The following MYH10 variants were observed in gnomAD, a reference collection of about 807,000 sequenced individuals.
The protein encoded by MYH10 is myosin heavy chain 10.
Under a neutral mutation model 257.8 loss-of-function variants are expected in MYH10, and 55 were observed. That is an observed-to-expected ratio of 0.21 (90% confidence interval 0.17 to 0.27). MYH10 has a LOEUF of 0.27. MYH10 is among the 10% of genes least tolerant of loss of function. The probability of loss-of-function intolerance (pLI) is 1.00; values close to 1 mark genes in which losing one functional copy is unlikely to be tolerated. For synonymous variants in MYH10, 854 were observed against 921.7 expected (o/e 0.93, Z 1.33); for missense variants, 1,631 against 2,500.6 (o/e 0.65, Z 7.42).
chr17:8,481,439 G>C (rs777659778), intron 37 of MYH10, 29 bp from the exon 38 acceptor site: 2 of 1,603,788 alleles, frequency 1.2e-6, no homozygotes, highest in Non-Finnish European at 1.7e-6. Context: ...GTTAAGCTCT[G>C]GCTGTGAATA....
At chr17:8,595,682 T>G (rs1425591441) in intron 3 of MYH10, among the ~76,000 whole-genome samples, 2 of 152,178 alleles carry the variant, frequency 1.3e-5, no homozygotes, top group East Asian at 3.9e-4. Flanking sequence ...CCGCCTGCCT[T>G]GGCCTCCCAA....
At chr17:8,601,395 G>GTCAT (rs2084586324) in intron 3 of MYH10, among the ~76,000 whole-genome samples, 1 of 152,214 alleles carries the variant, frequency 6.6e-6, no homozygotes, top group South Asian at 2.1e-4. Context: ...CCCTTTCCAT[G>GTCAT]TCATGTTGCC....
chr17:8,590,832 A>G (rs1383871376), intron 3 of MYH10, among the ~76,000 whole-genome samples: 2 of 146,916 alleles, frequency 1.4e-5, no homozygotes, highest in Non-Finnish European at 3.0e-5. Context: ...TCCTCTAGGA[A>G]TACCTTCCCA....
chr17:8,624,462 G>A (rs574130740), intron 1 of MYH10, among the ~76,000 whole-genome samples: 3 of 152,106 alleles, frequency 2.0e-5, no homozygotes, highest in Non-Finnish European at 4.4e-5. Flanking sequence ...CAAACCAACA[G>A]AAGAAGCCAA....
intron 2 of MYH10, among the ~76,000 whole-genome samples, chr17:8,615,406 T>C (rs1332469548): frequency 6.6e-6 from 1 of 152,212 alleles, no homozygotes; most frequent in Non-Finnish European, 1.5e-5. Context: ...AGCCAAACTC[T>C]TCCAGAGAAC....
At position 8,506,892 on chromosome 17, in the gene MYH10, C is replaced by G. The variant is rs1224467167; in HGVS notation, c.3215-403G>C. On this transcript the variant is annotated intron_variant, in intron 26 of 42. Transcript: ENST00000360416. The surrounding 1 kb of genome is among the most constrained non-coding windows in gnomAD (Gnocchi z 5.0). ...CCCCATTCCCTTTTCCATGGGAACC[C>G]CTGTTCTGAACCAAGAAAACTGCCA... Among the ~76,000 whole-genome samples, 1 of 152,188 alleles carries G rather than the reference C, an allele frequency of 6.6e-6. No homozygotes were observed. Among genetic ancestry groups the G allele is most frequent in the African/African-American group, 2.4e-5 (1 of 41,450 alleles).
At chr17:8,480,360 T>TG in intron 39 of MYH10, 42 bp from the exon 40 acceptor site, 1 of 1,612,878 alleles carries the variant, frequency 6.2e-7, no homozygotes, top group Non-Finnish European at 8.5e-7. Context: ...GCCTGAGGGG[T>TG]GGCACAGCCC....
chr17:8,484,910 T>C (rs987480998), intron 36 of MYH10, among the ~76,000 whole-genome samples: 2 of 152,246 alleles, frequency 1.3e-5, no homozygotes, highest in Non-Finnish European at 2.9e-5. Flanking sequence ...CAAGGATGTC[T>C]GATCTTGCCA....
chr17:8,523,980 A>T (rs1490045091), intron 17 of MYH10, among the ~76,000 whole-genome samples: 1 of 152,134 alleles, frequency 6.6e-6, no homozygotes, highest in Non-Finnish European at 1.5e-5. Flanking sequence ...TTCGAAGTGG[A>T]AGAGAAATGT....
rs916453318 is a variant in MYH10 at position 8,490,346 on chromosome 17, G to C, written c.4878C>G (p.Ile1626Met). ...EQNEEKKRLL[I>M]KQVRELEAEL... ...GCCGCACCCTCTGCCCTACCTGTTTGATCAGCAGCCGCTTCTTCTCTTCAT... is the reference window on the plus strand; with the variant it reads ...GCCGCACCCTCTGCCCTACCTGTTTCATCAGCAGCCGCTTCTTCTCTTCAT... The change falls in exon 35 of 43, where the codon ATC becomes ATG. Residue 1626 changes from isoleucine (I) to methionine (M), a missense_variant. Coordinates refer to ENST00000360416, the MANE Select transcript of MYH10 (RefSeq NM_001256012.3). The surrounding 1 kb of genome is among the most constrained non-coding windows in gnomAD (Gnocchi z 4.1). 6.2e-7 allele frequency: 1 copy of C among 1,613,462 alleles called. No homozygotes were observed. Among genetic ancestry groups the C allele is most frequent in the Admixed American group, 1.7e-5 (1 of 60,028 alleles).
intron 4 of MYH10, among the ~76,000 whole-genome samples, chr17:8,577,617 T>C (rs1056895244): frequency 6.6e-6 from 1 of 152,204 alleles, no homozygotes; most frequent in African/African-American, 2.4e-5. Context: ...CTGCAACGTC[T>C]GTCTCCCGGC....
At chr17:8,616,668 A>C (rs894475141) in intron 2 of MYH10, among the ~76,000 whole-genome samples, 8 of 152,140 alleles carry the variant, frequency 5.3e-5, no homozygotes, top group Non-Finnish European at 1.2e-4. Flanking sequence ...GGAATTAAAG[A>C]TAAAATATTA....
intron 24 of MYH10, chr17:8,511,043 TATATATATATATATATACAC>T (rs1327736113): frequency 1.3e-3 from 11 of 8,198 alleles, no homozygotes; most frequent in African/African-American, 1.9e-3. Flanking sequence ...TATATATATA[TATATATATATATATATACAC>T]ACATACATAC....
rs531362031 is a variant in MYH10 at position 8,540,239 on chromosome 17, C to T, written c.1605+1868G>A. Among the ~76,000 whole-genome samples, 6 of 152,304 alleles carry T rather than the reference C, an allele frequency of 3.9e-5. No homozygotes were observed. In the South Asian group the frequency reaches 1.2e-3, roughly 32 times the overall value. On this transcript the variant is annotated intron_variant, in intron 14 of 42. Transcript: ENST00000360416. ...CTCCTGACCTGACTCAAGTGATCTGCCTGCCTCAGCCTCCCAAAGTACTGG... is the reference window on the plus strand; with the variant it reads ...CTCCTGACCTGACTCAAGTGATCTGTCTGCCTCAGCCTCCCAAAGTACTGG...
At chr17:8,512,814 C>T (rs1688920760) in intron 23 of MYH10, among the ~76,000 whole-genome samples, 157 bp from the exon 24 acceptor site, 1 of 151,952 alleles carries the variant, frequency 6.6e-6, no homozygotes, top group Non-Finnish European at 1.5e-5. Flanking sequence ...TTGTCTATAG[C>T]AAAATAAGCA....
chr17:8,548,151 T>C (rs570229395), intron 11 of MYH10, among the ~76,000 whole-genome samples, 162 bp downstream of exon 11: 2 of 152,308 alleles, frequency 1.3e-5, no homozygotes, highest in Admixed American at 6.5e-5. Context: ...TCCTCATTTA[T>C]AGAATCAGAG....
chr17:8,490,582 G>C lies in MYH10; in HGVS notation c.4672-30C>G, dbSNP rs2270744. On this transcript the variant is annotated intron_variant, in intron 34 of 42. Transcript: ENST00000360416. This position sits in a 1 kb window ranked among gnomAD's most constrained non-coding sequence, Gnocchi z 4.1. ...ACCACCGAAGCATCAGGAAAGAGTT[G>C]ACCGGGGTGGAGGCACATATGAAGA... The C allele has an allele frequency of 0.35, 564,348 of 1,602,074 alleles. 100,112 individuals carry two copies. Among genetic ancestry groups the C allele is most frequent in the South Asian group, 0.43 (38,767 of 90,876 alleles).
In MYH10 at chr17:8,487,448, C is replaced by T; in HGVS notation, c.5031G>A (p.Gln1677=). The T allele has an allele frequency of 6.2e-7, 1 of 1,614,184 alleles. No homozygotes were observed. Among genetic ancestry groups the T allele is most frequent in the African/African-American group, 1.3e-5 (1 of 75,062 alleles). The change falls in exon 36 of 43, where the codon CAG becomes CAA. Residue 1677 remains glutamine (Q), a synonymous_variant. Coordinates refer to ENST00000360416, the MANE Select transcript of MYH10 (RefSeq NM_001256012.3). The stretch of plus-strand genomic sequence containing the variant: ...AGGCACATACCTGGAGCTTGCGGAG[C>T]TGCTTAATCACCTCATCCCGAGCTT... The part of the protein sequence containing the change: ...ANKARDEVIK[Q]LRKLQAQMKD...
In MYH10 at chr17:8,508,672, C is replaced by A; in HGVS notation, c.3096G>T (p.Lys1032Asn). 6.2e-7 allele frequency: 1 copy of A among 1,613,910 alleles called. No homozygotes were observed. The highest frequency in any genetic ancestry group is 8.5e-7 in the Non-Finnish European group (1 of 1,179,932). Reference protein sequence around the residue: ...EDQNSKFIKEKKLMEDRIAEC... With the variant: ...EDQNSKFIKENKLMEDRIAEC... ...CAGCAATGCGATCTTCCATGAGTTTCTTTTCCTGGACAGGAAAAATTGACT... is the reference window on the plus strand; with the variant it reads ...CAGCAATGCGATCTTCCATGAGTTTATTTTCCTGGACAGGAAAAATTGACT... Residue 1032 changes from lysine (K) to asparagine (N), a missense_variant, in exon 26 of 43, where the codon AAG (lysine) becomes AAT (asparagine). Transcript: ENST00000360416.
Sources: gnomAD v4.1 joint callset for allele counts (sites outside exome capture counted in the v4.1 genomes callset) on GRCh38, gnomAD v4.1.1 for gene constraint, Gnocchi (gnomAD v3.1) non-coding constraint, MANE v1.5 for transcripts, NCBI Gene and HGNC (gene_info 2026-07-23, HGNC 2026-07-21) for gene names.